BMP5: variants seen among roughly 807,000 people sequenced by gnomAD.
BMP5 encodes the protein bone morphogenetic protein 5.
In BMP5, 23 loss-of-function variants were observed where a neutral mutation model predicts 46.6. The observed-to-expected ratio is 0.49, with a 90% CI of 0.35 to 0.70. The LOEUF is 0.70. BMP5 is among the 30% of genes least tolerant of loss of function. BMP5 has a pLI of 0.00. For synonymous variants in BMP5, 204 were observed against 191.9 expected (o/e 1.06, Z -0.52); for missense variants, 545 against 565.6 (o/e 0.96, Z 0.37).
chr6:55,807,194 T>TG (rs1776011320), intron 2 of BMP5, among the ~76,000 whole-genome samples: 1 of 152,216 alleles, frequency 6.6e-6, no homozygotes, highest in African/African-American at 2.4e-5. Context: ...CAGTATGAAT[T>TG]GGCTGTGGGT....
intron 2 of BMP5, among the ~76,000 whole-genome samples, chr6:55,801,963 G>T (rs1434678954): frequency 6.6e-6 from 1 of 152,154 alleles, no homozygotes; most frequent in Non-Finnish European, 1.5e-5. Flanking sequence ...CACAAGTTGG[G>T]TACCAATATT....
intron 2 of BMP5, among the ~76,000 whole-genome samples, chr6:55,805,444 C>A (rs1407487998): frequency 6.6e-6 from 1 of 152,094 alleles, no homozygotes; most frequent in South Asian, 2.1e-4. Flanking sequence ...GATCTCATTC[C>A]TTTTTATGGC....
At chr6:55,838,037 C>T (rs753896201) in intron 1 of BMP5, among the ~76,000 whole-genome samples, 10 of 152,200 alleles carry the variant, frequency 6.6e-5, no homozygotes, top group Non-Finnish European at 1.2e-4. Context: ...ACATGTTTCA[C>T]AATTTCTTCA....
chr6:55,831,169 C>A (rs1052148533), intron 1 of BMP5, among the ~76,000 whole-genome samples: 2 of 152,076 alleles, frequency 1.3e-5, no homozygotes, highest in African/African-American at 4.8e-5. Context: ...TGAGAATCCT[C>A]TTTTTGAAAT....
intron 4 of BMP5, among the ~76,000 whole-genome samples, chr6:55,760,770 A>G (rs1774755239): frequency 6.6e-6 from 1 of 151,988 alleles, no homozygotes; most frequent in Non-Finnish European, 1.5e-5. Context: ...AAGCTCTAAC[A>G]TGGATTCTGT....
chr6:55,814,241 G>A (rs538206343), intron 2 of BMP5, among the ~76,000 whole-genome samples: 2 of 151,782 alleles, frequency 1.3e-5, no homozygotes, highest in Non-Finnish European at 1.5e-5. Flanking sequence ...TTTACATAAA[G>A]GTAGGTGTCA....
At chr6:55,807,525 T>C (rs1776019759) in intron 2 of BMP5, among the ~76,000 whole-genome samples, 1 of 152,248 alleles carries the variant, frequency 6.6e-6, no homozygotes, top group African/African-American at 2.4e-5. Context: ...TGAAGTTTTC[T>C]TTCTTCGTTG....
chr6:55,835,639 A>C (rs1332275716), intron 1 of BMP5, among the ~76,000 whole-genome samples: 1 of 152,202 alleles, frequency 6.6e-6, no homozygotes, highest in Non-Finnish European at 1.5e-5. Context: ...TCAGGAGTAC[A>C]TGGTCCTACT....
intron 1 of BMP5, among the ~76,000 whole-genome samples, chr6:55,828,285 T>C (rs1197293776): frequency 6.6e-6 from 1 of 151,822 alleles, no homozygotes; most frequent in East Asian, 1.9e-4. Flanking sequence ...AAAACAGAGA[T>C]TGGGACTATC....
chr6:55,802,042 G>A (rs1775861429), intron 2 of BMP5, among the ~76,000 whole-genome samples: 1 of 152,254 alleles, frequency 6.6e-6, no homozygotes, highest in Middle Eastern at 3.4e-3. Context: ...ATATAGCAAG[G>A]ATGACTGTTT....
In BMP5 at chr6:55,804,183, T is replaced by G. The variant is rs542925451; in HGVS notation, c.684-9756A>C. 5.9e-5 allele frequency among the ~76,000 whole-genome samples: 9 copies of G among 152,354 alleles called. No homozygotes were observed. The South Asian group carries it at 1.9e-3, about 32-fold the overall frequency. On this transcript the variant is annotated intron_variant, in intron 2 of 6. Coordinates refer to ENST00000370830, the MANE Select transcript of BMP5 (RefSeq NM_021073.4). Reference sequence around the variant, plus strand: ...GTGAATGTGATCTTATTTGGAAATATGCTTGCAAATGTAATCAAGTTAAGA... The same window carrying G: ...GTGAATGTGATCTTATTTGGAAATAGGCTTGCAAATGTAATCAAGTTAAGA...
chr6:55,789,448 A>G (rs1168342522), intron 3 of BMP5, among the ~76,000 whole-genome samples: 2 of 152,004 alleles, frequency 1.3e-5, no homozygotes, highest in Admixed American at 6.6e-5. Context: ...TTGGGGGGAA[A>G]ACTCAAGTCT....
In BMP5 at chr6:55,874,996, G is replaced by A. The variant is rs1777876880; in HGVS notation, c.-131C>T. The A allele has an allele frequency of 9.5e-7, 1 of 1,049,390 alleles. No individual in the cohort carries two copies. Among genetic ancestry groups the A allele is most frequent in the Non-Finnish European group, 1.4e-6 (1 of 721,278 alleles). The allele number at this position is 1,049,390 out of a possible 1,614,324, so 65.0% of individuals were successfully genotyped here. ...AAATTTACCTATTTTTCATGACAGT[G>A]ACATTTCTGAGCACAACATCCTCAC... On this transcript the variant is annotated 5_prime_UTR_variant, in exon 1 of 7. Transcript: ENST00000370830.
intron 1 of BMP5, among the ~76,000 whole-genome samples, chr6:55,859,815 A>C (rs1464548963): frequency 6.6e-6 from 1 of 152,218 alleles, no homozygotes; most frequent in Admixed American, 6.5e-5. Context: ...ACCAATGATC[A>C]ATCATGTTAA....
chr6:55,809,883 C>T (rs947527162), intron 2 of BMP5, among the ~76,000 whole-genome samples: 2 of 152,138 alleles, frequency 1.3e-5, no homozygotes, highest in African/African-American at 4.8e-5. Flanking sequence ...GACATCTCCA[C>T]TTTTCCCAAA....
intron 1 of BMP5, among the ~76,000 whole-genome samples, chr6:55,829,506 T>C (rs1449427140): frequency 6.6e-6 from 1 of 151,268 alleles, no homozygotes; most frequent in African/African-American, 2.4e-5. Context: ...AGTATATATA[T>C]ATTTTTTACT....
chr6:55,813,257 T>C (rs1411654807), intron 2 of BMP5, among the ~76,000 whole-genome samples: 1 of 152,142 alleles, frequency 6.6e-6, no homozygotes, highest in Non-Finnish European at 1.5e-5. Context: ...ACTATAATTA[T>C]TCACATTGCT....
At chr6:55,811,035 A>G (rs1022217424) in intron 2 of BMP5, among the ~76,000 whole-genome samples, 1 of 152,220 alleles carries the variant, frequency 6.6e-6, no homozygotes, top group Non-Finnish European at 1.5e-5. Context: ...AAGATATGCA[A>G]GCTATGCTTG....
At chr6:55,849,186 T>C (rs1582116906) in intron 1 of BMP5, among the ~76,000 whole-genome samples, 1 of 152,026 alleles carries the variant, frequency 6.6e-6, no homozygotes, top group Non-Finnish European at 1.5e-5. Context: ...TCTGGGGCTA[T>C]AGGAGTGAAG....
Sources: gnomAD v4.1 joint callset for allele counts (sites outside exome capture counted in the v4.1 genomes callset) on GRCh38, gnomAD v4.1.1 for gene constraint, MANE v1.5 for transcripts, NCBI Gene and HGNC (gene_info 2026-07-23, HGNC 2026-07-21) for gene names.